Variants in DOCK1 observed in about 807,000 individuals in gnomAD.
The protein encoded by DOCK1 is dedicator of cytokinesis protein 1.
A neutral mutation model predicts 262.7 loss-of-function variants in DOCK1; 138 were observed. That is an observed-to-expected ratio of 0.53 (90% CI 0.46 to 0.61). The LOEUF (loss-of-function observed/expected upper bound fraction) is 0.61. DOCK1 is among the 20% of genes least tolerant of loss of function. DOCK1 has a pLI of 0.00. For missense variants in DOCK1, 1,908 were observed against 2,370.7 expected (o/e 0.80, Z 4.05); for synonymous variants, 866 against 867.4 (o/e 1.00, Z 0.03).
rs144679005 is a variant in DOCK1 at position 127,319,429 on chromosome 10, G to A, written c.3045-19577G>A. On this transcript the variant is annotated intron_variant, in intron 29 of 51. Coordinates refer to ENST00000623213, the MANE Select transcript of DOCK1 (RefSeq NM_001290223.2). ...TAAGAAGCTTAACTTGCATGTGTTC[G>A]GCGGGCGGGAGCTTCCCAGAGCACT... is the stretch of plus-strand genomic sequence containing the variant. Among the ~76,000 whole-genome samples, 388 of 152,270 alleles carry A rather than the reference G, an allele frequency of 2.5e-3. 1 individual carries two copies. The highest frequency in any genetic ancestry group is 7.7e-3 in the African/African-American group (320 of 41,546).
At chr10:127,104,307 C>T (rs557694116) in intron 23 of DOCK1, among the ~76,000 whole-genome samples, 1 of 152,206 alleles carries the variant, frequency 6.6e-6, no homozygotes, top group Non-Finnish European at 1.5e-5. Context: ...TTCTTTTACA[C>T]ATTGTGCTAT....
chr10:127,276,542 C>T (rs1362717490), intron 29 of DOCK1, among the ~76,000 whole-genome samples: 2 of 152,166 alleles, frequency 1.3e-5, no homozygotes, highest in East Asian at 1.9e-4. Context: ...TTCTCACCCT[C>T]TGTTCCTTTA....
intron 29 of DOCK1, among the ~76,000 whole-genome samples, chr10:127,283,918 G>A (rs981965985): frequency 2.6e-5 from 4 of 152,126 alleles, no homozygotes; most frequent in South Asian, 2.1e-4. Flanking sequence ...ACTGGGGCTC[G>A]ATACACATTG....
rs183992567 is a variant in DOCK1, at chr10:127,149,580, C to T, written c.2847+21816C>T. 2.3e-3 allele frequency among the ~76,000 whole-genome samples: 348 copies of T among 152,266 alleles called. 4 individuals are homozygous for T. Among genetic ancestry groups the T allele is most frequent in the Admixed American group, 0.019 (284 of 15,290 alleles). On this transcript the variant is annotated intron_variant, in intron 27 of 51. Coordinates refer to ENST00000623213, the MANE Select transcript of DOCK1 (RefSeq NM_001290223.2). The stretch of plus-strand genomic sequence containing the variant: ...CCTGGGCCAGGCATTACTGGAAACA[C>T]GGTGGATAGCTATGCTGCTCGGAGA...
chr10:126,940,176 C>T (rs913862750), intron 1 of DOCK1, among the ~76,000 whole-genome samples: 128 of 152,302 alleles, frequency 8.4e-4, no homozygotes, highest in African/African-American at 2.9e-3. Context: ...GAATTAATCA[C>T]GGTTTACAGG....
intron 10 of DOCK1, among the ~76,000 whole-genome samples, chr10:127,006,498 T>C (rs78945502): frequency 0.11 from 16,386 of 152,226 alleles, 1,002 homozygotes; most frequent in Middle Eastern, 0.14. Context: ...CCCAAGTCCT[T>C]TATTTCCTCC....
intron 25 of DOCK1, among the ~76,000 whole-genome samples, chr10:127,119,202 G>T (rs1428134456): frequency 6.6e-6 from 1 of 152,042 alleles, no homozygotes; most frequent in African/African-American, 2.4e-5. Flanking sequence ...TGCCACCGTG[G>T]CCGACTAATT....
intron 1 of DOCK1, among the ~76,000 whole-genome samples, chr10:126,931,731 C>T (rs986471080): frequency 2.0e-5 from 3 of 152,186 alleles, no homozygotes; most frequent in Admixed American, 1.3e-4. Context: ...CAGGCTCTGG[C>T]GGACGGCCTT....
chr10:127,393,348 C>T (rs2066612206), intron 38 of DOCK1, among the ~76,000 whole-genome samples: 1 of 152,170 alleles, frequency 6.6e-6, no homozygotes, highest in South Asian at 2.1e-4. Context: ...CTCCTCGTGG[C>T]CCATTTCCAT....
chr10:127,003,652 G>A (rs571763788), intron 10 of DOCK1, among the ~76,000 whole-genome samples: 16 of 152,294 alleles, frequency 1.1e-4, no homozygotes, highest in African/African-American at 2.9e-4. Context: ...CTCAGCTGGT[G>A]TGTGTCTGTA....
At chr10:127,415,957 C>T (rs1011015657) in intron 44 of DOCK1, among the ~76,000 whole-genome samples, 1 of 152,226 alleles carries the variant, frequency 6.6e-6, no homozygotes, top group Non-Finnish European at 1.5e-5. Flanking sequence ...TTGTTTTCAC[C>T]TGGCAAGAAC....
intron 43 of DOCK1, among the ~76,000 whole-genome samples, chr10:127,414,191 C>T (rs1427000623): frequency 2.0e-5 from 3 of 152,298 alleles, no homozygotes; most frequent in Admixed American, 6.5e-5. Context: ...GGATTACAGA[C>T]GTGAGCCCCC....
intron 12 of DOCK1, chr10:127,016,485 C>G (rs61875527): frequency 6.6e-6 from 1 of 152,248 alleles, no homozygotes; most frequent in Non-Finnish European, 1.5e-5. Context: ...GTGCCGGCAC[C>G]GCTGTCGGTT....
intron 3 of DOCK1, 141 bp from the exon 4 acceptor site, chr10:126,981,777 G>A (rs1440408142): frequency 2.6e-6 from 2 of 759,320 alleles, no homozygotes; most frequent in East Asian, 5.4e-5. Context: ...ACTTCTTTGT[G>A]TTTTCTTTGA....
intron 35 of DOCK1, among the ~76,000 whole-genome samples, 167 bp from the exon 36 acceptor site, chr10:127,379,915 T>C (rs938423872): frequency 9.2e-5 from 14 of 152,170 alleles, no homozygotes; most frequent in African/African-American, 2.4e-4. Flanking sequence ...AGTGAAGAAC[T>C]GTGTAAGATG....
intron 2 of DOCK1, among the ~76,000 whole-genome samples, 195 bp from the exon 3 acceptor site, chr10:126,977,753 C>G (rs752211651): frequency 6.6e-6 from 1 of 152,110 alleles, no homozygotes; most frequent in Non-Finnish European, 1.5e-5. Context: ...GCCAGCTGGG[C>G]TCCGGGTGCG....
chr10:126,922,235 GGAA>G (rs2033278959), intron 1 of DOCK1, among the ~76,000 whole-genome samples: 1 of 138,366 alleles, frequency 7.2e-6, no homozygotes, highest in Non-Finnish European at 1.6e-5. Context: ...AAAAAAAAAA[GGAA>G]AGAGTTATAA....
chr10:126,921,401 G>A (rs2134105635), intron 1 of DOCK1, among the ~76,000 whole-genome samples: 1 of 152,280 alleles, frequency 6.6e-6, no homozygotes, highest in African/African-American at 2.4e-5. Flanking sequence ...CAGCATGGGT[G>A]AACCTTGAAA....
At chr10:127,059,343 G>A (rs2045383239) in intron 22 of DOCK1, among the ~76,000 whole-genome samples, 1 of 151,956 alleles carries the variant, frequency 6.6e-6, no homozygotes, top group Admixed American at 6.5e-5. Flanking sequence ...TGATATCTTT[G>A]ATCAGTTTTG....
Sources: gnomAD v4.1 joint callset for allele counts (sites outside exome capture counted in the v4.1 genomes callset) on GRCh38, gnomAD v4.1.1 for gene constraint, MANE v1.5 for transcripts, NCBI Gene and HGNC (gene_info 2026-07-23, HGNC 2026-07-21) for gene names.